The following GRM5 variants were observed in gnomAD, a reference collection of about 807,000 sequenced individuals.
GRM5 encodes metabotropic glutamate receptor 5.
Under a neutral mutation model 83.1 loss-of-function variants are expected in GRM5, and 19 were observed. The ratio of observed to expected loss-of-function variants is 0.23; its 90% CI spans 0.16 to 0.34. The LOEUF (loss-of-function observed/expected upper bound fraction) is 0.34. Ranked by LOEUF, GRM5 falls within the 10% of genes least tolerant of loss-of-function variation. The pLI is 1.00. For missense variants in GRM5, 1,160 were observed against 1,588.3 expected (o/e 0.73, Z 4.58); for synonymous variants, 675 against 633.6 (o/e 1.07, Z -0.98).
Position 88,542,898 on chromosome 11 carries a change from G to A in GRM5, c.2631-17494C>T, listed in dbSNP as rs570458941. 1.2e-3 allele frequency among the ~76,000 whole-genome samples: 180 copies of A among 152,120 alleles called. 2 individuals are homozygous for A. The highest frequency in any genetic ancestry group is 4.0e-3 in the African/African-American group (167 of 41,512). On this transcript the variant is annotated intron_variant, in intron 8 of 9. Coordinates refer to ENST00000305447, the MANE Select transcript of GRM5 (RefSeq NM_001143831.3). ...AGCCTGGCCAACATGGTGAAACCCC[G>A]TCTCTACTAAAAATACAAAATTAGC...
chr11:88,637,347 T>C (rs1277926564), intron 4 of GRM5, among the ~76,000 whole-genome samples: 2 of 151,096 alleles, frequency 1.3e-5, no homozygotes, highest in East Asian at 1.9e-4. Flanking sequence ...CAAAAGAAAC[T>C]ACCATCAGAG....
intron 3 of GRM5, among the ~76,000 whole-genome samples, chr11:88,705,643 T>C (rs1941137212): frequency 6.6e-6 from 1 of 151,476 alleles, no homozygotes; most frequent in South Asian, 2.1e-4. Context: ...CTGCCATTCA[T>C]CATCGACTGC....
chr11:88,676,864 T>G lies in GRM5; in HGVS notation c.912-23461A>C, dbSNP rs1011236474. ...CGTGCAAGGCATTGCATTTAATGCT[T>G]GTGCTCAAATGGGGACAAGAAAAAG... On this transcript the variant is annotated intron_variant, in intron 3 of 9. Coordinates refer to ENST00000305447, the MANE Select transcript of GRM5 (RefSeq NM_001143831.3). Among the ~76,000 whole-genome samples the G allele has an allele frequency of 2.6e-5, 4 of 152,240 alleles. No individual in the cohort carries two copies. In the South Asian group the frequency reaches 8.3e-4, roughly 32 times the overall value.
intron 3 of GRM5, among the ~76,000 whole-genome samples, chr11:88,739,804 CT>C (rs1332163603): frequency 6.6e-6 from 1 of 152,068 alleles, no homozygotes; most frequent in African/African-American, 2.4e-5. Context: ...AATTAAACCT[CT>C]TTCCTTTATA....
intron 3 of GRM5, among the ~76,000 whole-genome samples, chr11:88,678,274 G>A (rs1207048586): frequency 2.0e-5 from 3 of 151,902 alleles, no homozygotes; most frequent in South Asian, 2.1e-4. Flanking sequence ...AGCCAGGCTC[G>A]TCTTGAACTC....
intron 3 of GRM5, among the ~76,000 whole-genome samples, chr11:88,702,752 G>A (rs555340507): frequency 6.6e-6 from 1 of 152,114 alleles, no homozygotes; most frequent in East Asian, 1.9e-4. Flanking sequence ...CTGTTTTTGT[G>A]TGGTCATAAT....
At chr11:89,062,111 C>T (rs1942007168) in intron 1 of GRM5, among the ~76,000 whole-genome samples, 1 of 152,170 alleles carries the variant, frequency 6.6e-6, no homozygotes, top group South Asian at 2.1e-4. Context: ...GCAGTATTTT[C>T]AAGTCCTAAA....
At chr11:88,720,345 T>C (rs905677035) in intron 3 of GRM5, among the ~76,000 whole-genome samples, 1 of 152,020 alleles carries the variant, frequency 6.6e-6, no homozygotes, top group African/African-American at 2.4e-5. Context: ...GCAGATATGT[T>C]TTCCCTTGCA....
intron 2 of GRM5, among the ~76,000 whole-genome samples, chr11:89,018,754 GCACC>G (rs1274771645): frequency 6.6e-6 from 1 of 151,996 alleles, no homozygotes; most frequent in African/African-American, 2.4e-5. Context: ...TCCTAAAAGA[GCACC>G]CAGAATTTTG....
At chr11:88,874,258 C>G (rs564368571) in intron 2 of GRM5, among the ~76,000 whole-genome samples, 91 of 151,788 alleles carry the variant, frequency 6.0e-4, no homozygotes, top group African/African-American at 2.1e-3. Context: ...ATCAATGGAA[C>G]AGAATAGAGA....
At chr11:88,658,359 A>T (rs1939820282) in intron 3 of GRM5, among the ~76,000 whole-genome samples, 1 of 152,170 alleles carries the variant, frequency 6.6e-6, no homozygotes, top group Non-Finnish European at 1.5e-5. Context: ...TCACTGACTG[A>T]ACAAATCACA....
intron 4 of GRM5, among the ~76,000 whole-genome samples, chr11:88,608,524 T>A (rs914066293): frequency 1.4e-5 from 2 of 146,166 alleles, no homozygotes; most frequent in Non-Finnish European, 3.0e-5. Context: ...ATTTTTTTTT[T>A]TTTTTTTTTT....
At chr11:88,741,054 A>T (rs1050473437) in intron 3 of GRM5, among the ~76,000 whole-genome samples, 2 of 152,082 alleles carry the variant, frequency 1.3e-5, no homozygotes, top group Admixed American at 6.6e-5. Flanking sequence ...TACCTGTAGC[A>T]ATTAATTAGT....
chr11:89,010,909 C>A (rs1158243189), intron 2 of GRM5, among the ~76,000 whole-genome samples: 1 of 152,136 alleles, frequency 6.6e-6, no homozygotes, highest in Non-Finnish European at 1.5e-5. Flanking sequence ...AAATGAGAAG[C>A]CTTAGTGGTC....
intron 3 of GRM5, among the ~76,000 whole-genome samples, chr11:88,678,353 C>T (rs1940390236): frequency 6.6e-6 from 1 of 152,088 alleles, no homozygotes. Flanking sequence ...GCCATGGTCC[C>T]CAGCCATGTT....
chr11:89,048,618 A>G (rs1941693337), intron 1 of GRM5, among the ~76,000 whole-genome samples: 1 of 152,228 alleles, frequency 6.6e-6, no homozygotes, highest in Non-Finnish European at 1.5e-5. Context: ...ATGTCAAGCA[A>G]GTTGAATAAT....
At chr11:88,568,221 A>C (rs1236402081) in intron 7 of GRM5, among the ~76,000 whole-genome samples, 1 of 152,218 alleles carries the variant, frequency 6.6e-6, no homozygotes, top group South Asian at 2.1e-4. Flanking sequence ...TAGGTTCTGA[A>C]ACAAAATAAT....
At chr11:88,995,046 G>A (rs1940132869) in intron 2 of GRM5, among the ~76,000 whole-genome samples, 1 of 152,176 alleles carries the variant, frequency 6.6e-6, no homozygotes. Flanking sequence ...TAGCTGTAGA[G>A]CTCCTAAACT....
At chr11:89,018,627 C>A (rs1189563835) in intron 2 of GRM5, among the ~76,000 whole-genome samples, 2 of 151,938 alleles carry the variant, frequency 1.3e-5, no homozygotes, top group African/African-American at 4.8e-5. Context: ...ACATTTAGTT[C>A]TGTGAAAAAA....
Sources: gnomAD v4.1 joint callset for allele counts (sites outside exome capture counted in the v4.1 genomes callset) on GRCh38, gnomAD v4.1.1 for gene constraint, MANE v1.5 for transcripts, NCBI Gene and HGNC (gene_info 2026-07-23, HGNC 2026-07-21) for gene names.